Variants in ERG observed in about 807,000 individuals in gnomAD.
The protein encoded by ERG is transcriptional regulator ERG.
In ERG, 9 loss-of-function variants were observed where a neutral mutation model predicts 55.3. That is an observed-to-expected ratio of 0.16 (90% CI 0.10 to 0.28). The LOEUF is 0.28. ERG is among the 10% of genes least tolerant of loss of function. ERG has a pLI of 1.00. For missense variants in ERG, 434 were observed against 631.6 expected (o/e 0.69, Z 3.35); for synonymous variants, 223 against 237.3 (o/e 0.94, Z 0.55).
In ERG at chr21:38,486,929, A is replaced by C. The variant is rs150172098; in HGVS notation, c.18+11434T>G. 2.5e-3 allele frequency among the ~76,000 whole-genome samples: 385 copies of C among 152,248 alleles called. 2 individuals carry two copies. The highest frequency in any genetic ancestry group is 9.0e-3 in the African/African-American group (374 of 41,536). ...TATTAAGCTGCTTAATCCTTGCAAC[A>C]CTACCAAGAAGTAGGAGTTATTATC... On this transcript the variant is annotated intron_variant, in intron 1 of 9. Coordinates refer to ENST00000288319, the MANE Select transcript of ERG (RefSeq NM_182918.4).
chr21:38,478,037 G>A (rs1347101185), intron 1 of ERG, among the ~76,000 whole-genome samples: 1 of 152,206 alleles, frequency 6.6e-6, no homozygotes, highest in Non-Finnish European at 1.5e-5. Context: ...TTTTCCAGTA[G>A]GTAAGTCATA....
Position 38,381,285 on chromosome 21 carries a change from C to T in ERG, c.*2118G>A, listed in dbSNP as rs118017111. 6.2e-4 allele frequency: 663 copies of T among 1,065,056 alleles called. 7 individuals carry two copies. In the East Asian group the frequency reaches 0.023, roughly 37 times the overall value. The allele number at this position is 1,065,056 out of a possible 1,614,324, so 66.0% of individuals were successfully genotyped here. A position where few individuals can be genotyped will look rare whatever the true frequency, so the allele number is the denominator to read the frequency against. On this transcript the variant is annotated 3_prime_UTR_variant, in exon 10 of 10. Coordinates refer to ENST00000288319, the MANE Select transcript of ERG (RefSeq NM_182918.4). Reference sequence around the variant, plus strand: ...TATTCAGCTAAGATGTTTCGGCTAGCGCCTTCGCACGGTCACCTTGTATTT... The same window carrying T: ...TATTCAGCTAAGATGTTTCGGCTAGTGCCTTCGCACGGTCACCTTGTATTT...
At chr21:38,573,306 G>A (rs2059971670) in intron 2 of ERG, among the ~76,000 whole-genome samples, 1 of 152,220 alleles carries the variant, frequency 6.6e-6, no homozygotes, top group Admixed American at 6.5e-5. Context: ...CACCCGTAAA[G>A]GGTCTGTGCT....
chr21:38,484,105 G>A (rs1381423084), intron 1 of ERG, among the ~76,000 whole-genome samples: 1 of 152,128 alleles, frequency 6.6e-6, no homozygotes, highest in Non-Finnish European at 1.5e-5. Context: ...CACACGTTTT[G>A]AGTTACTGGT....
rs554463614 is a variant in ERG, at chr21:38,527,071, G to A, written c.-41+48591C>T. The stretch of plus-strand genomic sequence containing the variant: ...AGATCTGAGAGTAATTTTCCACGAC[G>A]CATACTGAGCACCATAATGAGTGAA... On this transcript the variant is annotated intron_variant, in intron 2 of 8. Coordinates refer to the ERG transcript ENST00000398897. Among the ~76,000 whole-genome samples the A allele has an allele frequency of 1.7e-3, 255 of 152,258 alleles. 3 individuals carry two copies. Among genetic ancestry groups the A allele is most frequent in the African/African-American group, 5.9e-3 (243 of 41,536 alleles).
chr21:38,379,131 A>G (rs145570591), downstream of ERG, among the ~76,000 whole-genome samples: 5 of 152,354 alleles, frequency 3.3e-5, no homozygotes, highest in East Asian at 7.7e-4. Context: ...AACACCTTCA[A>G]GATCTAACCC....
intron 1 of ERG, among the ~76,000 whole-genome samples, chr21:38,612,771 C>T (rs1294508286): frequency 6.6e-6 from 1 of 150,732 alleles, no homozygotes. Flanking sequence ...TCAGGCGATT[C>T]TCCTGCCTCA....
intron 2 of ERG, among the ~76,000 whole-genome samples, chr21:38,565,250 C>G (rs115548393): frequency 4.6e-5 from 7 of 152,152 alleles, no homozygotes; most frequent in Non-Finnish European, 8.8e-5. Context: ...AATTGGTCTT[C>G]CCTGTTTCAA....
At chr21:38,478,719 T>G (rs2059211331) in intron 1 of ERG, among the ~76,000 whole-genome samples, 1 of 152,200 alleles carries the variant, frequency 6.6e-6, no homozygotes, top group Non-Finnish European at 1.5e-5. Flanking sequence ...GGTGCAGATA[T>G]CAAAGACAGA....
intron 1 of ERG, among the ~76,000 whole-genome samples, chr21:38,491,248 C>T (rs546318518): frequency 1.3e-5 from 2 of 150,040 alleles, no homozygotes; most frequent in East Asian, 3.9e-4. Context: ...CGATGAAACC[C>T]AAAGAGCATG....
intron 3 of ERG, among the ~76,000 whole-genome samples, chr21:38,417,193 C>T (rs1989317844): frequency 6.6e-6 from 1 of 152,208 alleles, no homozygotes; most frequent in African/African-American, 2.4e-5. Context: ...AAGGTCCTAG[C>T]ACAGGGGTCT....
intron 2 of ERG, among the ~76,000 whole-genome samples, chr21:38,521,813 G>A (rs1039918246): frequency 6.6e-6 from 1 of 152,150 alleles, no homozygotes; most frequent in Non-Finnish European, 1.5e-5. Context: ...TAAGATCACC[G>A]TAAGTTTGAT....
intron 2 of ERG, among the ~76,000 whole-genome samples, chr21:38,441,925 C>T (rs1175626697): frequency 2.0e-5 from 3 of 152,166 alleles, no homozygotes; most frequent in Admixed American, 6.5e-5. Context: ...CCGAACCCAC[C>T]GGAGGACCCG....
chr21:38,547,427 T>C (rs887583860), intron 2 of ERG, among the ~76,000 whole-genome samples: 1 of 152,146 alleles, frequency 6.6e-6, no homozygotes, highest in Non-Finnish European at 1.5e-5. Context: ...ATGAAGAGTG[T>C]CTTAGACTTA....
chr21:38,652,214 C>T (rs1183432244), intron 1 of ERG, among the ~76,000 whole-genome samples: 2 of 152,134 alleles, frequency 1.3e-5, no homozygotes, highest in African/African-American at 4.8e-5. Context: ...GCAGGCCTGA[C>T]TCCTCCACCC....
At chr21:38,467,462 G>A (rs1170973425) in intron 1 of ERG, among the ~76,000 whole-genome samples, 1 of 152,168 alleles carries the variant, frequency 6.6e-6, no homozygotes, top group Non-Finnish European at 1.5e-5. Flanking sequence ...CAAGTTATGT[G>A]TGGTGGGGCT....
At chr21:38,525,558 A>G (rs1601187337) in intron 2 of ERG, among the ~76,000 whole-genome samples, 1 of 152,312 alleles carries the variant, frequency 6.6e-6, no homozygotes, top group East Asian at 1.9e-4. Flanking sequence ...TACCGAGCCA[A>G]GACACAGAGT....
intron 2 of ERG, among the ~76,000 whole-genome samples, chr21:38,565,241 A>G (rs2146842821): frequency 6.6e-6 from 1 of 152,140 alleles, no homozygotes; most frequent in East Asian, 1.9e-4. Flanking sequence ...TGGCCTCCTA[A>G]TTGGTCTTCC....
At chr21:38,598,689 C>T (rs1383283971) in intron 1 of ERG, among the ~76,000 whole-genome samples, 1 of 152,168 alleles carries the variant, frequency 6.6e-6, no homozygotes, top group Admixed American at 6.5e-5. Flanking sequence ...GCCTTCCCGG[C>T]CTCAAGGGTA....
Sources: gnomAD v4.1 joint callset for allele counts (sites outside exome capture counted in the v4.1 genomes callset) on GRCh38, gnomAD v4.1.1 for gene constraint, MANE v1.5 for transcripts, NCBI Gene and HGNC (gene_info 2026-07-23, HGNC 2026-07-21) for gene names.